Variants in DLGAP2 observed in about 807,000 individuals in gnomAD.
The protein encoded by DLGAP2 is DLG associated protein 2, also known as disks large-associated protein 2.
DLGAP2 carries 26 observed loss-of-function variants against 100.3 expected under a neutral mutation model. That is an observed-to-expected ratio of 0.26 (90% CI 0.19 to 0.36). The LOEUF (loss-of-function observed/expected upper bound fraction) is 0.36, where lower values mean the gene tolerates loss of function less well. Ranked by LOEUF, DLGAP2 falls within the 10% of genes least tolerant of loss-of-function variation. The pLI, the probability that DLGAP2 is intolerant of heterozygous loss-of-function variation, is 1.00. For missense variants in DLGAP2, 1,858 were observed against 1,453.2 expected, an observed-to-expected ratio of 1.28 and a Z score of -4.53; for synonymous variants, 886 against 630.1, an observed-to-expected ratio of 1.41 and a Z score of -6.08.
intron 4 of DLGAP2, among the ~76,000 whole-genome samples, chr8:1,509,372 C>T (rs1181482856): frequency 1.3e-5 from 2 of 150,128 alleles, no homozygotes; most frequent in Non-Finnish European, 3.0e-5. Context: ...TACCAAAGTA[C>T]ACTCTGGATA....
chr8:1,586,399 T>C (rs1796120895), intron 6 of DLGAP2, among the ~76,000 whole-genome samples: 1 of 152,186 alleles, frequency 6.6e-6, no homozygotes, highest in African/African-American at 2.4e-5. Flanking sequence ...GGACGGGGTG[T>C]GGGGTCTCTC....
At chr8:737,988 G>A (rs1184145878) in intron 1 of DLGAP2, 163 bp downstream of exon 1, 2 of 326,566 alleles carry the variant, frequency 6.1e-6, no homozygotes, top group Non-Finnish European at 1.1e-5. Context: ...GGAGCGCTGG[G>A]GACCCCAGGG....
At chr8:1,630,289 G>C (rs2472083) in intron 7 of DLGAP2, among the ~76,000 whole-genome samples, 1 of 152,192 alleles carries the variant, frequency 6.6e-6, no homozygotes. Context: ...TAGGCCACGA[G>C]ACCTGACAAT....
chr8:1,655,687 T>G (rs1798267873), intron 8 of DLGAP2, among the ~76,000 whole-genome samples: 1 of 149,848 alleles, frequency 6.7e-6, no homozygotes, highest in African/African-American at 2.5e-5. Context: ...TTCTTTCATC[T>G]CATTCACACG....
chr8:907,591 C>T (rs1468887989), intron 1 of DLGAP2, among the ~76,000 whole-genome samples: 1 of 152,166 alleles, frequency 6.6e-6, no homozygotes, highest in Admixed American at 6.5e-5. Flanking sequence ...ATTGGTGGGT[C>T]CATTTACCTT....
At chr8:927,534 A>C (rs1185590307) in intron 2 of DLGAP2, among the ~76,000 whole-genome samples, 1 of 152,206 alleles carries the variant, frequency 6.6e-6, no homozygotes, top group African/African-American at 2.4e-5. Context: ...TCCCTCACCC[A>C]GAGAGGGCAC....
At chr8:1,221,318 T>C (rs1018482104) in intron 2 of DLGAP2, among the ~76,000 whole-genome samples, 1 of 152,188 alleles carries the variant, frequency 6.6e-6, no homozygotes, top group Non-Finnish European at 1.5e-5. Context: ...TTAGCATTTG[T>C]TTGTCTGAAA....
At chr8:999,495 T>C (rs972928059) in intron 2 of DLGAP2, among the ~76,000 whole-genome samples, 6 of 151,208 alleles carry the variant, frequency 4.0e-5, no homozygotes, top group African/African-American at 9.7e-5. Flanking sequence ...TTTTTTTTTT[T>C]CCCGATGGAG....
At chr8:1,392,889 G>T (rs13270071) in intron 3 of DLGAP2, among the ~76,000 whole-genome samples, 32,193 of 128,436 alleles carry the variant, frequency 0.25, 4,205 homozygotes, top group East Asian at 0.37. Context: ...TGACGTTTCT[G>T]TTTTTTTTTT....
intron 4 of DLGAP2, among the ~76,000 whole-genome samples, chr8:1,534,640 G>A (rs999944993): frequency 2.6e-4 from 40 of 152,234 alleles, no homozygotes; most frequent in African/African-American, 8.0e-4. Context: ...TGGAATCAGT[G>A]GGGATTTTTT....
chr8:947,925 G>C (rs1354976006), intron 2 of DLGAP2, among the ~76,000 whole-genome samples: 1 of 142,820 alleles, frequency 7.0e-6, no homozygotes, highest in Non-Finnish European at 1.5e-5. Context: ...GCCAACCCGC[G>C]TGTGCCATGG....
chr8:874,487 A>G (rs1797654255), intron 1 of DLGAP2, among the ~76,000 whole-genome samples: 1 of 152,130 alleles, frequency 6.6e-6, no homozygotes, highest in Non-Finnish European at 1.5e-5. Flanking sequence ...TACATTGTTT[A>G]ATTTACACAA....
chr8:1,624,400 C>T (rs1015042219), intron 6 of DLGAP2, among the ~76,000 whole-genome samples: 2 of 151,990 alleles, frequency 1.3e-5, no homozygotes, highest in African/African-American at 2.4e-5. Flanking sequence ...TGCTCGGGCT[C>T]CATAGCTCGG....
At chr8:833,696 C>G (rs1278361869) in intron 1 of DLGAP2, among the ~76,000 whole-genome samples, 1 of 152,230 alleles carries the variant, frequency 6.6e-6, no homozygotes, top group African/African-American at 2.4e-5. Flanking sequence ...TTCTGAAGAT[C>G]ACAGTGTAGA....
chr8:1,200,006 T>C (rs1023767794), intron 2 of DLGAP2, among the ~76,000 whole-genome samples: 13 of 151,118 alleles, frequency 8.6e-5, no homozygotes, highest in Non-Finnish European at 1.8e-4. Flanking sequence ...GGGGGTCCCA[T>C]CCTGTGGAAA....
intron 1 of DLGAP2, among the ~76,000 whole-genome samples, chr8:835,294 C>G (rs1017222067): frequency 6.6e-6 from 1 of 151,874 alleles, no homozygotes; most frequent in Non-Finnish European, 1.5e-5. Context: ...TTACCCACTT[C>G]TATTCAAATA....
chr8:1,666,651 G>A (rs537166814), intron 8 of DLGAP2, among the ~76,000 whole-genome samples: 1 of 151,668 alleles, frequency 6.6e-6, no homozygotes, highest in Admixed American at 6.6e-5. Flanking sequence ...CTGCACTCCA[G>A]CCTGGGCAAC....
rs567108319 is a variant in DLGAP2, at chr8:1,267,524, A to G, written c.106+8641A>G. 7.3e-4 allele frequency among the ~76,000 whole-genome samples: 109 copies of G among 149,398 alleles called. 2 individuals carry two copies. The highest frequency in any genetic ancestry group is 6.8e-3 in the Admixed American group (102 of 14,988). ...CAGTGAGCTGAGATTGTGCCACTGC[A>G]CTCCAGCCTGGGAGACAGAGCAAAA... On this transcript the variant is annotated intron_variant, in intron 3 of 14. Coordinates refer to ENST00000637795, the MANE Select transcript of DLGAP2 (RefSeq NM_001346810.2).
At chr8:804,721 G>T (rs577968630) in intron 1 of DLGAP2, among the ~76,000 whole-genome samples, 30 of 152,280 alleles carry the variant, frequency 2.0e-4, no homozygotes, top group African/African-American at 6.5e-4. Context: ...AAGTCTTCCA[G>T]CAAGGGCACT....
Sources: gnomAD v4.1 joint callset for allele counts (sites outside exome capture counted in the v4.1 genomes callset) on GRCh38, gnomAD v4.1.1 for gene constraint, MANE v1.5 for transcripts, NCBI Gene and HGNC (gene_info 2026-07-23, HGNC 2026-07-21) for gene names.